SEMA6A: variants seen among roughly 807,000 people sequenced by gnomAD.
SEMA6A encodes the protein semaphorin-6A.
In SEMA6A, 25 loss-of-function variants were observed where a neutral mutation model predicts 96.8. The observed-to-expected ratio is 0.26, with a 90% confidence interval of 0.19 to 0.36. The LOEUF (loss-of-function observed/expected upper bound fraction) is 0.36, where lower values mean the gene tolerates loss of function less well. Among genes scored for constraint, SEMA6A ranks in the 10% least tolerant of loss-of-function variants. The pLI is 1.00. For missense variants in SEMA6A, 1,363 were observed against 1,323.1 expected (o/e 1.03, Z -0.47); for synonymous variants, 612 against 518.0 (o/e 1.18, Z -2.46).
At chr5:116,460,017 G>A (rs1293444501) in intron 18 of SEMA6A, among the ~76,000 whole-genome samples, 3 of 151,598 alleles carry the variant, frequency 2.0e-5, no homozygotes, top group Non-Finnish European at 4.4e-5. Flanking sequence ...TAGTGCTTTC[G>A]GAATTCCAGT....
chr5:116,495,817 C>T (rs1561496577), intron 5 of SEMA6A: 1 of 373,004 alleles, frequency 2.7e-6, no homozygotes, highest in South Asian at 2.9e-5. Context: ...CCAGATGCTC[C>T]AGCGTTCCCT....
At chr5:116,475,631 C>T in intron 15 of SEMA6A, 28 bp from the exon 16 acceptor site, 3 of 1,535,220 alleles carry the variant, frequency 2.0e-6, no homozygotes, top group African/African-American at 1.4e-5. Flanking sequence ...GAAAGAGAGA[C>T]AGAAATGAAT....
intron 1 of SEMA6A, chr5:116,562,423 G>T: frequency 3.4e-6 from 1 of 295,546 alleles, no homozygotes; most frequent in Non-Finnish European, 6.5e-6. Context: ...CTAGTTAAAA[G>T]TTGAATGTAA....
At chr5:116,488,665 T>C (rs1447607300) in intron 8 of SEMA6A, among the ~76,000 whole-genome samples, 2 of 152,336 alleles carry the variant, frequency 1.3e-5, no homozygotes, top group African/African-American at 2.4e-5. Flanking sequence ...ATGTATTCTA[T>C]TGTTGTGGCA....
At chr5:116,485,551 G>A (rs1006890754) in intron 10 of SEMA6A, among the ~76,000 whole-genome samples, 3 of 152,130 alleles carry the variant, frequency 2.0e-5, no homozygotes, top group African/African-American at 2.4e-5. Flanking sequence ...TTTCAGTGGG[G>A]AGCTTGACTC....
At chr5:116,465,654 G>A (rs1289756070) in intron 18 of SEMA6A, among the ~76,000 whole-genome samples, 2 of 152,190 alleles carry the variant, frequency 1.3e-5, no homozygotes, top group Non-Finnish European at 2.9e-5. Flanking sequence ...TTAAAATGAT[G>A]TGTCAAAGTG....
At chr5:116,558,755 C>G (rs181708865) in intron 1 of SEMA6A, among the ~76,000 whole-genome samples, 1,858 of 11,600 alleles carry the variant, frequency 0.16, 715 homozygotes, top group African/African-American at 0.27. Context: ...AGCCACCGCG[C>G]CCGGCCAAGG....
At chr5:116,516,053 CCTTTGGTGTTTG>C (rs1397625698) in intron 1 of SEMA6A, among the ~76,000 whole-genome samples, 2 of 152,142 alleles carry the variant, frequency 1.3e-5, no homozygotes, top group Non-Finnish European at 1.5e-5. Context: ...GGCATCAGGT[CCTTTGGTGTTTG>C]CTGCCTGTGT....
intron 1 of SEMA6A, among the ~76,000 whole-genome samples, chr5:116,537,677 G>A (rs972725122): frequency 6.6e-6 from 1 of 152,016 alleles, no homozygotes; most frequent in Non-Finnish European, 1.5e-5. Context: ...TGGTGACTAC[G>A]CTTATTGCCA....
intron 17 of SEMA6A, chr5:116,471,162 C>G (rs1053120511): frequency 1.3e-5 from 2 of 152,152 alleles, no homozygotes; most frequent in African/African-American, 4.8e-5. Context: ...GGATCATTAG[C>G]TGAAAGAAAA....
intron 1 of SEMA6A, among the ~76,000 whole-genome samples, chr5:116,565,468 T>C (rs1742265010): frequency 6.6e-6 from 1 of 152,216 alleles, no homozygotes; most frequent in Admixed American, 6.5e-5. Context: ...CCATCATTCA[T>C]GATACAAGAA....
At chr5:116,513,757 C>A (rs1758532449) in intron 1 of SEMA6A, among the ~76,000 whole-genome samples, 1 of 152,110 alleles carries the variant, frequency 6.6e-6, no homozygotes, top group African/African-American at 2.4e-5. Flanking sequence ...ACGAGCTATT[C>A]TTCCCGATGC....
At chr5:116,516,709 A>G (rs1758683682) in intron 1 of SEMA6A, among the ~76,000 whole-genome samples, 1 of 152,174 alleles carries the variant, frequency 6.6e-6, no homozygotes, top group Non-Finnish European at 1.5e-5. Context: ...TAAAATGTTC[A>G]TTTGCTTTTA....
At chr5:116,566,640 T>A (rs1761038919) in intron 1 of SEMA6A, among the ~76,000 whole-genome samples, 1 of 152,222 alleles carries the variant, frequency 6.6e-6, no homozygotes, top group Non-Finnish European at 1.5e-5. Flanking sequence ...GGTGATAACA[T>A]CAATTTATTT....
At chr5:116,457,464 T>C (rs1755086019) in intron 18 of SEMA6A, among the ~76,000 whole-genome samples, 1 of 152,130 alleles carries the variant, frequency 6.6e-6, no homozygotes, top group Non-Finnish European at 1.5e-5. Context: ...AAGAAGTAAT[T>C]GCAGATATCT....
At chr5:116,562,963 C>G (rs996488605) in intron 1 of SEMA6A, 1 of 579,410 alleles carries the variant, frequency 1.7e-6, no homozygotes, top group Non-Finnish European at 3.3e-6. Context: ...CCCCCCCATC[C>G]TCTCTGACAG....
At chr5:116,557,829 G>A (rs1161086091) in intron 1 of SEMA6A, among the ~76,000 whole-genome samples, 1 of 152,182 alleles carries the variant, frequency 6.6e-6, no homozygotes, top group East Asian at 1.9e-4. Context: ...CCTTTCCGGG[G>A]ATCTAAACAA....
chr5:116,477,799 C>G (rs914286482), intron 15 of SEMA6A, 47 bp downstream of exon 15: 2 of 1,585,626 alleles, frequency 1.3e-6, no homozygotes, highest in Non-Finnish European at 1.7e-6. Flanking sequence ...TAGAATACAC[C>G]TTGGCTGGAA....
chr5:116,505,131 C>T, intron 1 of SEMA6A, 149 bp from the exon 2 acceptor site: 2 of 544,792 alleles, frequency 3.7e-6, no homozygotes, highest in Non-Finnish European at 6.6e-6. Context: ...GTGTTTGGAA[C>T]TTGTACCCGT....
Sources: gnomAD v4.1 joint callset for allele counts (sites outside exome capture counted in the v4.1 genomes callset) on GRCh38, gnomAD v4.1.1 for gene constraint, MANE v1.5 for transcripts, NCBI Gene and HGNC (gene_info 2026-07-23, HGNC 2026-07-21) for gene names.